The following TMEM132D variants were observed in gnomAD, a reference collection of about 807,000 sequenced individuals.
TMEM132D encodes mature OL transmembrane protein.
In TMEM132D, 21 loss-of-function variants were observed where a neutral mutation model predicts 62.3. The observed-to-expected ratio is 0.34, with a 90% CI of 0.24 to 0.49. TMEM132D has a LOEUF of 0.49. Ranked by LOEUF, TMEM132D falls within the 20% of genes least tolerant of loss-of-function variation. TMEM132D has a pLI of 0.99. For missense variants in TMEM132D, 1,346 were observed against 1,402.8 expected (o/e 0.96, Z 0.65); for synonymous variants, 621 against 575.6 (o/e 1.08, Z -1.13).
At chr12:129,368,652 G>T (rs1489875286) in intron 3 of TMEM132D, among the ~76,000 whole-genome samples, 1 of 151,854 alleles carries the variant, frequency 6.6e-6, no homozygotes, top group East Asian at 1.9e-4. Context: ...CGAGCATTCA[G>T]TGACTACCTG....
rs1376005098 is a variant in TMEM132D at position 129,382,907 on chromosome 12, T to C, written c.1116-45090A>G. Among the ~76,000 whole-genome samples, 5 of 152,220 alleles carry C rather than the reference T, an allele frequency of 3.3e-5. No individual in the cohort carries two copies. The East Asian group carries it at 7.7e-4, about 23-fold the overall frequency. The stretch of plus-strand genomic sequence containing the variant: ...CTTTTGGTAGAATTGTTATTCAATC[T>C]GTACCTTCCTGTTTGTGTTTTCTGT... On this transcript the variant is annotated intron_variant, in intron 3 of 8. Coordinates refer to ENST00000422113, the MANE Select transcript of TMEM132D (RefSeq NM_133448.3).
chr12:129,665,225 T>C (rs656665), intron 2 of TMEM132D, among the ~76,000 whole-genome samples: 115,188 of 151,850 alleles, frequency 0.76, 44,104 homozygotes, highest in East Asian at 0.85. Context: ...GGTGGCAATT[T>C]CCTGCAACTC....
chr12:129,751,408 C>T (rs1367807383), intron 1 of TMEM132D, among the ~76,000 whole-genome samples: 1 of 152,168 alleles, frequency 6.6e-6, no homozygotes, highest in African/African-American at 2.4e-5. Flanking sequence ...AATCACCTCC[C>T]ACCATGTCCC....
chr12:129,433,030 C>CA (rs1267936859), intron 3 of TMEM132D, among the ~76,000 whole-genome samples: 1 of 152,186 alleles, frequency 6.6e-6, no homozygotes, highest in African/African-American at 2.4e-5. Flanking sequence ...ATGATGTGTA[C>CA]ACTTTTGTAT....
intron 4 of TMEM132D, among the ~76,000 whole-genome samples, chr12:129,218,891 T>C (rs1357352570): frequency 6.6e-6 from 1 of 152,124 alleles, no homozygotes; most frequent in Non-Finnish European, 1.5e-5. Flanking sequence ...AATGGTGTGT[T>C]GTCAAGGTTG....
At chr12:129,263,060 C>T (rs1362851604) in intron 4 of TMEM132D, among the ~76,000 whole-genome samples, 1 of 152,186 alleles carries the variant, frequency 6.6e-6, no homozygotes, top group Admixed American at 6.5e-5. Flanking sequence ...TGAGCACTTA[C>T]TCTCTGCAGG....
intron 2 of TMEM132D, among the ~76,000 whole-genome samples, chr12:129,586,982 G>C (rs1450330570): frequency 6.6e-6 from 1 of 152,042 alleles, no homozygotes; most frequent in Non-Finnish European, 1.5e-5. Context: ...CAACACAGTA[G>C]GATATAGGTG....
intron 2 of TMEM132D, among the ~76,000 whole-genome samples, chr12:129,574,209 A>C (rs1444958472): frequency 1.3e-5 from 2 of 151,980 alleles, no homozygotes; most frequent in Admixed American, 6.5e-5. Flanking sequence ...AATAGATGCA[A>C]GAAGGATGAA....
At chr12:129,847,271 A>G (rs1000970040) in intron 1 of TMEM132D, among the ~76,000 whole-genome samples, 3 of 152,120 alleles carry the variant, frequency 2.0e-5, no homozygotes, top group African/African-American at 7.2e-5. Context: ...CTCTAGGTCA[A>G]CGTTATTATG....
intron 2 of TMEM132D, among the ~76,000 whole-genome samples, chr12:129,626,139 A>G (rs978537976): frequency 3.3e-5 from 5 of 152,014 alleles, no homozygotes; most frequent in African/African-American, 9.7e-5. Flanking sequence ...ACACTGGATC[A>G]ATAAAGCTCA....
At chr12:129,422,869 T>C (rs1366043790) in intron 3 of TMEM132D, among the ~76,000 whole-genome samples, 1 of 125,774 alleles carries the variant, frequency 8.0e-6, no homozygotes, top group Non-Finnish European at 1.8e-5. Flanking sequence ...TATACATACA[T>C]ATATGTGTAT....
chr12:129,643,003 C>T, intron 2 of TMEM132D, among the ~76,000 whole-genome samples: 1 of 146,626 alleles, frequency 6.8e-6, no homozygotes, highest in East Asian at 2.0e-4. Flanking sequence ...CGGCTCACTG[C>T]AACCTCTGCC....
At chr12:129,278,165 T>G (rs1453727983) in intron 4 of TMEM132D, among the ~76,000 whole-genome samples, 1 of 152,182 alleles carries the variant, frequency 6.6e-6, no homozygotes, top group African/African-American at 2.4e-5. Flanking sequence ...TGCATTGATT[T>G]GGGTGTTCCC....
intron 4 of TMEM132D, among the ~76,000 whole-genome samples, chr12:129,242,756 C>G (rs1298867866): frequency 9.1e-6 from 1 of 109,700 alleles, no homozygotes; most frequent in Non-Finnish European, 2.1e-5. Context: ...AGAAGTTACG[C>G]ACTATTTTTT....
At chr12:129,361,182 C>CA (rs1465021514) in intron 3 of TMEM132D, among the ~76,000 whole-genome samples, 9 of 152,240 alleles carry the variant, frequency 5.9e-5, no homozygotes, top group African/African-American at 1.4e-4. Context: ...CTAAGAAATT[C>CA]AAATGAAATA....
intron 3 of TMEM132D, among the ~76,000 whole-genome samples, chr12:129,403,750 A>G (rs1871689760): frequency 6.6e-6 from 1 of 152,136 alleles, no homozygotes; most frequent in Non-Finnish European, 1.5e-5. Flanking sequence ...CTAGTAAATG[A>G]TAGCAGTACA....
At chr12:129,769,447 A>G (rs1206793451) in intron 1 of TMEM132D, among the ~76,000 whole-genome samples, 2 of 152,182 alleles carry the variant, frequency 1.3e-5, no homozygotes, top group Non-Finnish European at 2.9e-5. Context: ...TGATTCAATT[A>G]TCTCCACCTG....
At chr12:129,456,075 T>A (rs1593016954) in intron 3 of TMEM132D, among the ~76,000 whole-genome samples, 1 of 152,082 alleles carries the variant, frequency 6.6e-6, no homozygotes, top group Admixed American at 6.6e-5. Flanking sequence ...GATGGGCAGG[T>A]AGGATATTGG....
At chr12:129,077,562 C>G (rs1874304400) in intron 8 of TMEM132D, among the ~76,000 whole-genome samples, 1 of 152,044 alleles carries the variant, frequency 6.6e-6, no homozygotes, top group Non-Finnish European at 1.5e-5. Flanking sequence ...CACATACACA[C>G]AACACACATA....
Sources: gnomAD v4.1 joint callset for allele counts (sites outside exome capture counted in the v4.1 genomes callset) on GRCh38, gnomAD v4.1.1 for gene constraint, MANE v1.5 for transcripts, NCBI Gene and HGNC (gene_info 2026-07-23, HGNC 2026-07-21) for gene names.